Variants in R3HDM1 observed in about 807,000 individuals in gnomAD.
R3HDM1 encodes the protein R3H domain-containing protein 1.
R3HDM1 carries 46 observed loss-of-function variants against 141.1 expected under a neutral mutation model. The ratio of observed to expected loss-of-function variants is 0.33; its 90% CI spans 0.26 to 0.42. The LOEUF (loss-of-function observed/expected upper bound fraction) is 0.42, where lower values mean the gene tolerates loss of function less well. R3HDM1 is among the 10% of genes least tolerant of loss of function. R3HDM1 has a pLI of 1.00. For missense variants in R3HDM1, 1,184 were observed against 1,368.3 expected (o/e 0.87, Z 2.12); for synonymous variants, 435 against 472.9 (o/e 0.92, Z 1.04).
rs765302926 is a variant in R3HDM1 at position 135,636,203 on chromosome 2, G to A, written c.903+20G>A. 9.3e-6 allele frequency: 15 copies of A among 1,606,214 alleles called. No homozygotes were observed. In the Admixed American group the frequency reaches 1.2e-4, roughly 13 times the overall value. Reference sequence around the variant, plus strand: ...CAAGATGTACGTACTAACTTACTTAGGTCTTCATGTTAGAGTATATTCTAA... The same window carrying A: ...CAAGATGTACGTACTAACTTACTTAAGTCTTCATGTTAGAGTATATTCTAA... On this transcript the variant is annotated intron_variant, in intron 11 of 26. Transcript: ENST00000683871.
chr2:135,561,883 A>G (rs1029042874), intron 1 of R3HDM1, among the ~76,000 whole-genome samples: 1 of 152,228 alleles, frequency 6.6e-6, no homozygotes, highest in Non-Finnish European at 1.5e-5. Flanking sequence ...TGACCGTTAA[A>G]GAATTAACTG....
chr2:135,715,878 T>G (rs2076109772), intron 24 of R3HDM1, among the ~76,000 whole-genome samples, 184 bp downstream of exon 24: 1 of 152,262 alleles, frequency 6.6e-6, no homozygotes. Context: ...TGCTAATTAA[T>G]AATTATTAAT....
chr2:135,721,944 C>T lies in R3HDM1; in HGVS notation c.2902C>T (p.Leu968Phe). The change falls in exon 25 of 27, where the codon CTT (leucine) becomes TTT (phenylalanine). Residue 968 changes from leucine (L) to phenylalanine (F), a missense_variant. Coordinates refer to ENST00000683871, the MANE Select transcript of R3HDM1 (RefSeq NM_001378107.1). ...PGQGDSRYPL[L>F]GQPLQYNPPA... Reference sequence around the variant, plus strand: ...TTCAGGAGATTCCAGGTATCCATTACTTGGCCAGCCACTGCAGTACAATCC... The same window carrying T: ...TTCAGGAGATTCCAGGTATCCATTATTTGGCCAGCCACTGCAGTACAATCC... 6.2e-7 allele frequency: 1 copy of T among 1,613,676 alleles called. No homozygotes were observed. Among genetic ancestry groups the T allele is most frequent in the Non-Finnish European group, 8.5e-7 (1 of 1,179,614 alleles).
rs1019048162 is a variant in R3HDM1, at chr2:135,602,688, C to G, written c.-61C>G. Reference sequence around the variant, plus strand: ...TTATTTTTGTGGGACACCACAATCCCAAATCCAAAGGACGCATCAGGTAAT... The same window carrying G: ...TTATTTTTGTGGGACACCACAATCCGAAATCCAAAGGACGCATCAGGTAAT... On this transcript the variant is annotated 5_prime_UTR_variant, in exon 2 of 27. Transcript: ENST00000683871. 1.3e-6 allele frequency: 2 copies of G among 1,528,604 alleles called. No individual in the cohort carries two copies. The highest frequency in any genetic ancestry group is 2.8e-5 in the African/African-American group (2 of 71,836). The allele number at this position is 1,528,604 out of a possible 1,614,324, so 94.7% of individuals were successfully genotyped here.
At chr2:135,656,866 C>T (rs1044327129) in intron 18 of R3HDM1, among the ~76,000 whole-genome samples, 9 of 150,678 alleles carry the variant, frequency 6.0e-5, no homozygotes, top group Non-Finnish European at 1.0e-4. Context: ...GGCCGAGGCA[C>T]GCAGATCACT....
chr2:135,589,744 A>G (rs536164366), intron 1 of R3HDM1, among the ~76,000 whole-genome samples: 1 of 152,012 alleles, frequency 6.6e-6, no homozygotes, highest in East Asian at 1.9e-4. Flanking sequence ...TATGAATCCT[A>G]CTTAACCCTT....
At chr2:135,608,340 A>G (rs1257967197) in intron 3 of R3HDM1, among the ~76,000 whole-genome samples, 5 of 151,578 alleles carry the variant, frequency 3.3e-5, no homozygotes, top group Admixed American at 3.3e-4. Context: ...AATAATAATA[A>G]TAATTTACTA....
chr2:135,602,465 T>C, intron 1 of R3HDM1, 35 bp from the exon 2 acceptor site: 1 of 1,223,680 alleles, frequency 8.2e-7, no homozygotes, highest in African/African-American at 1.6e-5. Flanking sequence ...CCCTTGGCCA[T>C]TTTGTTAAAA....
intron 1 of R3HDM1, chr2:135,568,845 G>A (rs1044143773): frequency 6.6e-6 from 1 of 152,172 alleles, no homozygotes; most frequent in East Asian, 1.9e-4. Flanking sequence ...GAGGTCCAAC[G>A]ATTCAGTCTT....
At chr2:135,646,311 A>G (rs1377836489) in intron 16 of R3HDM1, among the ~76,000 whole-genome samples, 3 of 150,728 alleles carry the variant, frequency 2.0e-5, no homozygotes, top group South Asian at 4.2e-4. Flanking sequence ...AATTTTTTGT[A>G]TTTTTAGTAG....
Position 135,583,652 on chromosome 2 carries a change from C to T in R3HDM1, c.-249-18848C>T, listed in dbSNP as rs542564941. On this transcript the variant is annotated intron_variant, in intron 1 of 26. Transcript: ENST00000683871. ...TTAAATTTCTTTTAAAAATTGTTACCCTAAGATGGCCCTTGGCTATAGTAA... is the reference window on the plus strand; with the variant it reads ...TTAAATTTCTTTTAAAAATTGTTACTCTAAGATGGCCCTTGGCTATAGTAA... 6.8e-5 allele frequency: 56 copies of T among 821,520 alleles called. No homozygotes were observed. The African/African-American group carries it at 1.0e-3, about 15-fold the overall frequency. 50.9% of individuals were successfully genotyped at this position (821,520 alleles called of 1,614,324 possible).
rs1228823459 is a variant in R3HDM1, at chr2:135,641,775, A to C, written c.1459A>C (p.Ile487Leu). ...AAGIPPGSILINPQTGQPFIN... is the reference protein window; with the variant it reads ...AAGIPPGSILLNPQTGQPFIN... ...AGGCATACCACCTGGCAGTATTCTG[A>C]TCAACCCACAAACAGGTTGGTATCC... The change falls in exon 15 of 27, where the codon ATC becomes CTC. Residue 487 changes from isoleucine to leucine, a missense_variant. By Grantham distance (5) the Ile-to-Leu change is conservative (BLOSUM62 2). This residue lies in a region of R3HDM1 where 563 missense variants were observed against 562.0 expected (regional missense o/e 1.00). Transcript: ENST00000683871. 3 of 1,613,452 alleles carry C rather than the reference A, an allele frequency of 1.9e-6. No homozygotes were observed. The highest frequency in any genetic ancestry group is 2.5e-6 in the Non-Finnish European group (3 of 1,179,752).
chr2:135,600,841 A>G (rs551624906), intron 1 of R3HDM1, among the ~76,000 whole-genome samples: 4 of 152,340 alleles, frequency 2.6e-5, no homozygotes, highest in African/African-American at 9.6e-5. Context: ...GCTGAATTAC[A>G]ATATTGGACT....
chr2:135,565,401 G>A (rs1274527853), intron 1 of R3HDM1, among the ~76,000 whole-genome samples: 1 of 149,584 alleles, frequency 6.7e-6, no homozygotes, highest in Non-Finnish European at 1.5e-5. Flanking sequence ...TATGTTGCCT[G>A]GACTGGACTT....
At chr2:135,677,973 CTT>C (rs2069508112) in intron 20 of R3HDM1, among the ~76,000 whole-genome samples, 1 of 151,904 alleles carries the variant, frequency 6.6e-6, no homozygotes, top group East Asian at 1.9e-4. Context: ...CCTTCCTTCT[CTT>C]TGTTTTTGAG....
rs758713078 is a variant in R3HDM1 at position 135,709,503 on chromosome 2, A to C, written c.2530A>C (p.Ser844Arg). 11 of 1,614,164 alleles carry C rather than the reference A, an allele frequency of 6.8e-6. No homozygotes were observed. The highest frequency in any genetic ancestry group is 9.3e-6 in the Non-Finnish European group (11 of 1,180,020). ...ATTTCCTCGAACCACTTCACCATGC[A>C]GTTCCCAGCAGCTTCAAGGCCACCA... Reference protein sequence around the residue: ...VQFPRTTSPCSSQQLQGHQCT... With the variant: ...VQFPRTTSPCRSQQLQGHQCT... The change falls in exon 22 of 27, where the codon AGT (serine) becomes CGT (arginine). Residue 844 changes from serine (S) to arginine (R), a missense_variant. Physicochemically the swap from Ser to Arg is moderately radical, Grantham distance 110 (BLOSUM62 -1). Around this residue, in one of 5 missense-constraint regions of R3HDM1, gnomAD observed 563 missense variants for 562.0 expected, o/e 1.00. Coordinates refer to ENST00000683871, the MANE Select transcript of R3HDM1 (RefSeq NM_001378107.1).
At chr2:135,713,750 G>T (rs146710186) in intron 23 of R3HDM1, among the ~76,000 whole-genome samples, 104 of 152,266 alleles carry the variant, frequency 6.8e-4, no homozygotes, top group African/African-American at 2.4e-3. Context: ...TTGGTGCAGG[G>T]AAAGTACCAG....
chr2:135,702,455 T>C (rs2074351548), intron 21 of R3HDM1, among the ~76,000 whole-genome samples: 1 of 151,616 alleles, frequency 6.6e-6, no homozygotes, highest in East Asian at 1.9e-4. Context: ...GGTCAGGAGA[T>C]CGAGACCATC....
rs779166604 is a variant in R3HDM1, at chr2:135,716,933, CAGAG to C, written c.2881+1244_2881+1247del. Among the ~76,000 whole-genome samples, 33 of 149,526 alleles carry C rather than the reference CAGAG, an allele frequency of 2.2e-4. 1 individual carries two copies. Among genetic ancestry groups the C allele is most frequent in the African/African-American group, 7.9e-4 (32 of 40,544 alleles). On this transcript the variant is annotated intron_variant, in intron 24 of 26. Transcript: ENST00000683871. Reference sequence around the variant, plus strand: ...TGCCACTGCACTCCAGCCTGGGCGACAGAGAGAGGCTCCGTCTCAAAACAAAAAA... The same window carrying C: ...TGCCACTGCACTCCAGCCTGGGCGACAGAGGCTCCGTCTCAAAACAAAAAA...
Sources: allele counts gnomAD v4.1 joint callset (sites outside exome capture counted in the v4.1 genomes callset), GRCh38; gene constraint gnomAD v4.1.1; regional missense constraint gnomAD v4.1.1; transcripts MANE v1.5; gene names NCBI Gene and HGNC (gene_info 2026-07-23, HGNC 2026-07-21).